The following MS4A12 variants were observed in gnomAD, a reference collection of about 807,000 sequenced individuals.
MS4A12 encodes membrane-spanning 4-domains subfamily A member 12.
In MS4A12, 28 loss-of-function variants were observed where a neutral mutation model predicts 23.7. The ratio of observed to expected loss-of-function variants is 1.18; its 90% CI spans 0.88 to 1.62. MS4A12 has a LOEUF of 1.62. MS4A12 is among the 40% of genes most tolerant of loss of function. MS4A12 has a pLI of 0.00. For missense variants in MS4A12, 342 were observed against 327.0 expected (o/e 1.05, Z -0.35); for synonymous variants, 108 against 110.1 (o/e 0.98, Z 0.12).
At chr11:60,503,911 G>C (rs766101531) in intron 5 of MS4A12, 94 bp downstream of exon 5, 45 of 1,093,374 alleles carry the variant, frequency 4.1e-5, no homozygotes, top group Non-Finnish European at 5.6e-5. Flanking sequence ...ACCAGCTCTA[G>C]TGGAAAATGT....
chr11:60,496,327 G>C (rs778613249), intron 1 of MS4A12, among the ~76,000 whole-genome samples: 2 of 152,084 alleles, frequency 1.3e-5, no homozygotes, highest in Admixed American at 1.3e-4. Context: ...CTCAAAAAAA[G>C]GAATCTAAGG....
At chr11:60,497,643 CTTATAAG>C in intron 2 of MS4A12, 49 bp downstream of exon 2, 1 of 1,583,980 alleles carries the variant, frequency 6.3e-7, no homozygotes. Flanking sequence ...GCAAGGTCTT[CTTATAAG>C]TTATAGGAGA....
At chr11:60,495,002 T>G (rs2086477222) in intron 1 of MS4A12, among the ~76,000 whole-genome samples, 2 of 151,958 alleles carry the variant, frequency 1.3e-5, no homozygotes, top group Admixed American at 1.3e-4. Flanking sequence ...TTACATTTTT[T>G]TTTTTTTTGA....
intron 1 of MS4A12, among the ~76,000 whole-genome samples, chr11:60,493,903 A>T (rs11604619): frequency 0.56 from 85,456 of 152,022 alleles, 24,130 homozygotes; most frequent in East Asian, 0.64. Flanking sequence ...TTAGTCTTAT[A>T]CTTTTGATCT....
intron 5 of MS4A12, among the ~76,000 whole-genome samples, chr11:60,506,134 G>A (rs2086567976): frequency 6.6e-6 from 1 of 152,156 alleles, no homozygotes; most frequent in South Asian, 2.1e-4. Context: ...GTCAATGAAG[G>A]AAAATTCACC....
chr11:60,503,800 C>T lies in MS4A12; in HGVS notation c.571C>T (p.Gln191Ter), dbSNP rs780542886. 4 of 1,613,598 alleles carry T rather than the reference C, an allele frequency of 2.5e-6. No individual in the cohort carries two copies. The highest frequency in any genetic ancestry group is 2.5e-6 in the Non-Finnish European group (3 of 1,179,650). Residue 191 changes from glutamine (Q) to a stop codon, truncating the protein, a stop_gained, in exon 5 of 7, where the codon CAA becomes TAA. Coordinates refer to ENST00000016913, the MANE Select transcript of MS4A12 (RefSeq NM_017716.3). LOFTEE classifies it high-confidence loss of function. ...TATGTGCATCAATGGGGTAGCTGGC[C>T]AAGACTACTGGGCCGTGGTAAGTAT... ...VDMCINGVAG[Q>*]DYWAVLSGKG...
intron 5 of MS4A12, among the ~76,000 whole-genome samples, chr11:60,504,482 T>A (rs540738577): frequency 2.0e-5 from 3 of 152,354 alleles, no homozygotes; most frequent in South Asian, 4.1e-4. Flanking sequence ...GTCTTCATTC[T>A]GTGAGCAATG....
chr11:60,505,680 T>C (rs1452503106), intron 5 of MS4A12, among the ~76,000 whole-genome samples: 1 of 151,996 alleles, frequency 6.6e-6, no homozygotes, highest in Non-Finnish European at 1.5e-5. Context: ...CTGAGAAGTC[T>C]CACTAACACT....
Position 60,493,668 on chromosome 11 carries a change from G to A in MS4A12, c.-7+840G>A, listed in dbSNP as rs77655456. On this transcript the variant is annotated intron_variant, in intron 1 of 6. Transcript: ENST00000016913. ...CAGCATTTTGTGAAAGGTGATATAA[G>A]TGTATACCTGTGGATGTACTGGGTG... is the stretch of plus-strand genomic sequence containing the variant. Among the ~76,000 whole-genome samples the A allele has an allele frequency of 3.2e-3, 483 of 152,208 alleles. 2 individuals are homozygous for A. The highest frequency in any genetic ancestry group is 0.011 in the African/African-American group (448 of 41,512).
intron 2 of MS4A12, among the ~76,000 whole-genome samples, chr11:60,500,637 A>AT (rs2086523376): frequency 6.6e-6 from 1 of 152,266 alleles, no homozygotes; most frequent in East Asian, 1.9e-4. Context: ...ATCTTCACCA[A>AT]TTCCTTTACC....
At chr11:60,499,238 G>C (rs1404943502) in intron 2 of MS4A12, among the ~76,000 whole-genome samples, 1 of 152,202 alleles carries the variant, frequency 6.6e-6, no homozygotes, top group African/African-American at 2.4e-5. Context: ...AGTCAACTCA[G>C]ACCTTAAAGT....
chr11:60,498,912 A>T (rs1370601790), intron 2 of MS4A12, among the ~76,000 whole-genome samples: 2 of 152,218 alleles, frequency 1.3e-5, no homozygotes, highest in Non-Finnish European at 2.9e-5. Context: ...CCAATAAAAT[A>T]GAACAGAATG....
rs558449107 is a variant in MS4A12 at position 60,498,246 on chromosome 11, C to T, written c.276+652C>T. Among the ~76,000 whole-genome samples the T allele has an allele frequency of 6.0e-4, 91 of 152,264 alleles. 1 individual carries two copies. Among genetic ancestry groups the T allele is most frequent in the African/African-American group, 1.9e-3 (78 of 41,536 alleles). On this transcript the variant is annotated intron_variant, in intron 2 of 6. Transcript: ENST00000016913. Reference sequence around the variant, plus strand: ...TGCTTTCCAAATACATCATTCATCCCGCTAGCACAATTCCACCAAATTATA... The same window carrying T: ...TGCTTTCCAAATACATCATTCATCCTGCTAGCACAATTCCACCAAATTATA...
At chr11:60,496,603 C>T (rs2135227104) in intron 1 of MS4A12, among the ~76,000 whole-genome samples, 2 of 152,306 alleles carry the variant, frequency 1.3e-5, no homozygotes, top group East Asian at 3.9e-4. Context: ...CCTTGCCATA[C>T]AAGTATTGTA....
Position 60,507,135 on chromosome 11 carries a change from AG to A in MS4A12, c.*15del. ...AATGCCCCTAAATAGTAAAAGAAAAAGGGGTATCAGTCTAATCTCATGGAGA... is the reference window on the plus strand; with the variant it reads ...AATGCCCCTAAATAGTAAAAGAAAAAGGGTATCAGTCTAATCTCATGGAGA... On this transcript the variant is annotated 3_prime_UTR_variant, in exon 7 of 7. Transcript: ENST00000016913. The A allele has an allele frequency of 6.3e-7, 1 of 1,585,690 alleles. No individual in the cohort carries two copies. Among genetic ancestry groups the A allele is most frequent in the Non-Finnish European group, 8.7e-7 (1 of 1,154,376 alleles).
At position 60,497,446 on chromosome 11, in the gene MS4A12, C is replaced by T. The variant is rs757436949; in HGVS notation, c.128C>T (p.Ala43Val). 2.5e-6 allele frequency: 4 copies of T among 1,614,078 alleles called. No individual in the cohort carries two copies. The highest frequency in any genetic ancestry group is 3.4e-6 in the Non-Finnish European group (4 of 1,180,040). The change falls in exon 2 of 7, where the codon GCT (alanine) becomes GTT (valine). Residue 43 changes from alanine to valine, a missense_variant. Ala to Val is a moderately conservative substitution (Grantham distance 64). Coordinates refer to ENST00000016913, the MANE Select transcript of MS4A12 (RefSeq NM_017716.3). ...GGTTCAATCAACTTAGAAAACCAAGCTCAGGGTGCTCAGCGTGCTCAGCCC... is the reference window on the plus strand; with the variant it reads ...GGTTCAATCAACTTAGAAAACCAAGTTCAGGGTGCTCAGCGTGCTCAGCCC... ...PLGSINLENQ[A>V]QGAQRAQPYG...
chr11:60,506,873 A>C, intron 6 of MS4A12, 35 bp downstream of exon 6: 1 of 1,585,468 alleles, frequency 6.3e-7, no homozygotes, highest in Non-Finnish European at 8.7e-7. Flanking sequence ...AATAATCTGA[A>C]AATGCCCTGG....
At position 60,493,822 on chromosome 11, in the gene MS4A12, G is replaced by A. The variant is rs2086467573; in HGVS notation, c.-7+994G>A. Among the ~76,000 whole-genome samples the A allele has an allele frequency of 2.6e-5, 4 of 152,286 alleles. No homozygotes were observed. In the South Asian group the frequency reaches 8.3e-4, roughly 32 times the overall value. ...TGAGGTAGAAAGAAACTATAAAGAAGTAAATTTTTCCCATTTTTATTTGAA... is the reference window on the plus strand; with the variant it reads ...TGAGGTAGAAAGAAACTATAAAGAAATAAATTTTTCCCATTTTTATTTGAA... On this transcript the variant is annotated intron_variant, in intron 1 of 6. Transcript: ENST00000016913.
rs2086497994 is a variant in MS4A12 at position 60,497,528 on chromosome 11, A to G, written c.210A>G (p.Ile70Met). 2 of 1,613,994 alleles carry G rather than the reference A, an allele frequency of 1.2e-6. No individual in the cohort carries two copies. Among genetic ancestry groups the G allele is most frequent in the South Asian group, 2.2e-5 (2 of 91,078 alleles). Residue 70 changes from isoleucine to methionine, a missense_variant, in exon 2 of 7, where the codon ATA becomes ATG. Ile to Met is a conservative substitution (Grantham distance 10, BLOSUM62 1). Coordinates refer to ENST00000016913, the MANE Select transcript of MS4A12 (RefSeq NM_017716.3). ...GCAGTCAACCGGGTCAAGGAAATAT[A>G]CAAATGATAAATCCAAGTGTGGGAA... Reference protein sequence around the residue: ...FASSQPGQGNIQMINPSVGTA... With the variant: ...FASSQPGQGNMQMINPSVGTA...
Sources: allele counts gnomAD v4.1 joint callset (sites outside exome capture counted in the v4.1 genomes callset), GRCh38; gene constraint gnomAD v4.1.1; transcripts MANE v1.5; gene names NCBI Gene and HGNC (gene_info 2026-07-23, HGNC 2026-07-21).